Variants in NAA11 observed in about 807,000 individuals in gnomAD.
NAA11 encodes the protein N-alpha-acetyltransferase 11.
NAA11 carries 15 observed loss-of-function variants against 16.1 expected under a neutral mutation model. The ratio of observed to expected loss-of-function variants is 0.93; its 90% CI spans 0.62 to 1.44. The LOEUF (loss-of-function observed/expected upper bound fraction) is 1.44. NAA11 is among the 40% of genes most tolerant of loss of function. NAA11 has a pLI of 0.00. For synonymous variants in NAA11, 122 were observed against 112.4 expected, an observed-to-expected ratio of 1.09 and a Z score of -0.54; for missense variants, 298 against 291.3, an observed-to-expected ratio of 1.02 and a Z score of -0.17.
the NAA11 span, among the ~76,000 whole-genome samples, chr4:79,156,680 A>G: frequency 6.6e-6 from 1 of 152,212 alleles, no homozygotes; most frequent in Non-Finnish European, 1.5e-5. Flanking sequence ...ATAATGTTTG[A>G]CCACATATCT....
At chr4:79,166,903 G>C in the NAA11 span, among the ~76,000 whole-genome samples, 1 of 146,460 alleles carries the variant, frequency 6.8e-6, no homozygotes, top group African/African-American at 2.5e-5. Context: ...GAGCCACCAT[G>C]CCTGGCCAGA....
the NAA11 span, among the ~76,000 whole-genome samples, chr4:79,209,969 C>G: frequency 6.6e-6 from 1 of 152,102 alleles, no homozygotes; most frequent in African/African-American, 2.4e-5. Flanking sequence ...TCGCTTGAAC[C>G]TGGAAGGGGG....
At chr4:79,169,721 C>T in the NAA11 span, among the ~76,000 whole-genome samples, 11 of 152,268 alleles carry the variant, frequency 7.2e-5, no homozygotes, top group African/African-American at 2.6e-4. Flanking sequence ...ATAGCAATGG[C>T]AACAAAATGC....
the NAA11 span, among the ~76,000 whole-genome samples, chr4:79,193,648 G>C: frequency 9.9e-5 from 15 of 152,190 alleles, no homozygotes; most frequent in African/African-American, 3.4e-4. Context: ...ATAGTTTGAA[G>C]TCAGGTAGTG....
downstream of NAA11, among the ~76,000 whole-genome samples, chr4:79,225,451 A>T (rs1721288883): frequency 6.6e-6 from 1 of 151,994 alleles, no homozygotes; most frequent in African/African-American, 2.4e-5. Flanking sequence ...TGGATGCAGG[A>T]CATTCAGTTT....
At chr4:79,305,539 G>A (rs1416062765) in intron 1 of NAA11, among the ~76,000 whole-genome samples, 1 of 152,174 alleles carries the variant, frequency 6.6e-6, no homozygotes, top group African/African-American at 2.4e-5. Flanking sequence ...CATCTGGGTA[G>A]GATGCTGGCA....
the NAA11 span, among the ~76,000 whole-genome samples, chr4:79,201,450 C>T: frequency 2.0e-5 from 3 of 151,668 alleles, no homozygotes; most frequent in African/African-American, 7.3e-5. Context: ...TACATTAATA[C>T]TTGCTCTGTT....
intron 2 of NAA11, among the ~76,000 whole-genome samples, chr4:79,286,085 T>C (rs1296579280): frequency 2.0e-5 from 3 of 152,118 alleles, no homozygotes; most frequent in Non-Finnish European, 4.4e-5. Flanking sequence ...CTTCTGATTT[T>C]ACTCTGAAAT....
intron 1 of NAA11, among the ~76,000 whole-genome samples, chr4:79,323,216 G>A (rs1484567460): frequency 6.6e-6 from 1 of 152,192 alleles, no homozygotes; most frequent in Non-Finnish European, 1.5e-5. Flanking sequence ...ACTAGATTAA[G>A]ATGTTAAAGC....
At chr4:79,163,316 C>T in the NAA11 span, among the ~76,000 whole-genome samples, 5 of 152,108 alleles carry the variant, frequency 3.3e-5, no homozygotes, top group South Asian at 2.1e-4. Context: ...TTGACTACTG[C>T]GTGAGGCTTT....
the NAA11 span, among the ~76,000 whole-genome samples, chr4:79,161,052 C>T: frequency 2.0e-5 from 3 of 152,140 alleles, no homozygotes; most frequent in Non-Finnish European, 4.4e-5. Flanking sequence ...CTTCCAAGAG[C>T]TTTATACTTT....
intron 2 of NAA11, among the ~76,000 whole-genome samples, chr4:79,251,889 G>A (rs1160126735): frequency 3.9e-5 from 6 of 152,026 alleles, no homozygotes; most frequent in Admixed American, 2.0e-4. Context: ...AAAAACATCT[G>A]CACTCGTATG....
downstream of NAA11, among the ~76,000 whole-genome samples, chr4:79,315,449 C>G (rs1353402260): frequency 6.6e-6 from 1 of 152,140 alleles, no homozygotes; most frequent in Non-Finnish European, 1.5e-5. Flanking sequence ...TAGGAACTCA[C>G]AGGCTTCATT....
chr4:79,246,113 T>C (rs931199867), intron 2 of NAA11, among the ~76,000 whole-genome samples: 3 of 152,166 alleles, frequency 2.0e-5, no homozygotes, highest in Non-Finnish European at 4.4e-5. Context: ...CTGTGTCAAC[T>C]CAGGGTTAAA....
At chr4:79,163,281 A>G in the NAA11 span, among the ~76,000 whole-genome samples, 1 of 152,226 alleles carries the variant, frequency 6.6e-6, no homozygotes, top group Non-Finnish European at 1.5e-5. Flanking sequence ...CCGCAGTTGT[A>G]CAATAGGGAT....
chr4:79,291,449 T>C (rs1287926325), intron 2 of NAA11, among the ~76,000 whole-genome samples: 2 of 151,122 alleles, frequency 1.3e-5, no homozygotes, highest in African/African-American at 4.9e-5. Context: ...AGCAAAAGAG[T>C]GAGACCCTGT....
chr4:79,263,726 T>C (rs1357584019), intron 2 of NAA11, among the ~76,000 whole-genome samples: 2 of 152,178 alleles, frequency 1.3e-5, no homozygotes, highest in Non-Finnish European at 2.9e-5. Flanking sequence ...CACTTAGCAC[T>C]ACTTGGAAAT....
chr4:79,162,449 A>G, the NAA11 span, among the ~76,000 whole-genome samples: 2 of 152,342 alleles, frequency 1.3e-5, no homozygotes, highest in African/African-American at 4.8e-5. Flanking sequence ...ACACACCTGC[A>G]AGAGTGACCC....
chr4:79,315,173 C>G (rs1723890677), downstream of NAA11, among the ~76,000 whole-genome samples: 1 of 151,712 alleles, frequency 6.6e-6, no homozygotes, highest in Non-Finnish European at 1.5e-5. Flanking sequence ...AATGCAGATA[C>G]TCAGGCCCCA....
Sources: gnomAD v4.1 joint callset for allele counts (sites outside exome capture counted in the v4.1 genomes callset) on GRCh38, gnomAD v4.1.1 for gene constraint, MANE v1.5 for transcripts, NCBI Gene and HGNC (gene_info 2026-07-23, HGNC 2026-07-21) for gene names.